Variants in CAPRIN1 observed in about 807,000 individuals in gnomAD.
CAPRIN1 encodes the protein caprin-1.
A neutral mutation model predicts 100.9 loss-of-function variants in CAPRIN1; 29 were observed. That is an observed-to-expected ratio of 0.29 (90% CI 0.21 to 0.39). The LOEUF (loss-of-function observed/expected upper bound fraction) is 0.39, where lower values mean the gene tolerates loss of function less well. CAPRIN1 is among the 10% of genes least tolerant of loss of function. CAPRIN1 has a pLI of 1.00. For synonymous variants in CAPRIN1, 338 were observed against 307.5 expected (o/e 1.10, Z -1.04); for missense variants, 795 against 876.7 (o/e 0.91, Z 1.18).
chr11:34,060,597 C>G (rs1424843924), intron 2 of CAPRIN1, among the ~76,000 whole-genome samples: 1 of 152,160 alleles, frequency 6.6e-6, no homozygotes, highest in Admixed American at 6.6e-5. Flanking sequence ...TTACATTGAA[C>G]TTCTTTTTAC....
chr11:34,052,243 T>TCG (rs139830067), intron 1 of CAPRIN1, 178 bp from the exon 2 acceptor site: 209,727 of 279,006 alleles, frequency 0.75, 79,129 homozygotes, highest in East Asian at 0.98. Context: ...CGCTGGCGGG[T>TCG]CGCGCGCGCG....
intron 15 of CAPRIN1, among the ~76,000 whole-genome samples, chr11:34,093,803 TTG>T (rs1307997980): frequency 1.5e-5 from 2 of 130,194 alleles, no homozygotes; most frequent in Non-Finnish European, 3.4e-5. Flanking sequence ...TTTTTTTTTT[TTG>T]TATTTTTAGT....
At chr11:34,068,337 T>C (rs539433945) in intron 2 of CAPRIN1, among the ~76,000 whole-genome samples, 34 of 152,294 alleles carry the variant, frequency 2.2e-4, no homozygotes, top group African/African-American at 6.5e-4. Context: ...GCATCACTTA[T>C]ACAGTACTCT....
rs1205498211 is a variant in CAPRIN1, at chr11:34,101,160, CAT to C, written c.*1794_*1795del. 4 of 152,582 alleles carry C rather than the reference CAT, an allele frequency of 2.6e-5. No individual in the cohort carries two copies. Among genetic ancestry groups the C allele is most frequent in the South Asian group, 2.1e-4 (1 of 4,818 alleles). 9.5% of individuals were successfully genotyped at this position (152,582 alleles called of 1,614,324 possible). On this transcript the variant is annotated 3_prime_UTR_variant, in exon 19 of 19. Transcript: ENST00000341394. ...AATAAAATAAGTTCTTGACTTTTCT[CAT>C]GTGTGGTTGTGGTACATCATATTGG...
intron 12 of CAPRIN1, among the ~76,000 whole-genome samples, chr11:34,089,717 G>A (rs1851226860): frequency 6.6e-6 from 1 of 152,072 alleles, no homozygotes; most frequent in Non-Finnish European, 1.5e-5. Flanking sequence ...GTCTTCTGTT[G>A]GAATTCAGCA....
intron 2 of CAPRIN1, among the ~76,000 whole-genome samples, chr11:34,067,087 G>A (rs1214487413): frequency 6.6e-6 from 1 of 151,956 alleles, no homozygotes; most frequent in African/African-American, 2.4e-5. Flanking sequence ...ATGCCACCAC[G>A]CCCAGCTAAT....
At chr11:34,073,966 G>C (rs1039899060) in intron 4 of CAPRIN1, among the ~76,000 whole-genome samples, 1 of 152,034 alleles carries the variant, frequency 6.6e-6, no homozygotes, top group African/African-American at 2.4e-5. Context: ...GTCCTCACCT[G>C]GTGGTAGAAG....
rs1851369156 is a variant in CAPRIN1, at chr11:34,096,480, G to T, written c.1707G>T (p.Val569=). 1 of 1,612,094 alleles carries T rather than the reference G, an allele frequency of 6.2e-7. No individual in the cohort carries two copies. The highest frequency in any genetic ancestry group is 8.5e-7 in the Non-Finnish European group (1 of 1,178,526). Residue 569 remains valine (V), a splice_region_variant and synonymous_variant, in exon 16 of 19, where the codon GTG becomes GTT. Coordinates refer to ENST00000341394, the MANE Select transcript of CAPRIN1 (RefSeq NM_005898.5). ...ATCTTTTTCTTTTTTAAATTATAGT[G>T]GTTGGCACTTACCATGGTTCCCCAG... ...TELQQEQLQT[V]VGTYHGSPDQ...
chr11:34,063,524 A>C (rs1261314274), intron 2 of CAPRIN1, among the ~76,000 whole-genome samples: 1 of 152,212 alleles, frequency 6.6e-6, no homozygotes, highest in Non-Finnish European at 1.5e-5. Context: ...ATAGAGCGAG[A>C]CTGGATAGCA....
At position 34,082,963 on chromosome 11, in the gene CAPRIN1, T is replaced by C; in HGVS notation, c.888T>C (p.Asn296=). The C allele has an allele frequency of 6.2e-7, 1 of 1,613,966 alleles. No individual in the cohort carries two copies. Among genetic ancestry groups the C allele is most frequent in the Non-Finnish European group, 8.5e-7 (1 of 1,179,852 alleles). The change falls in exon 9 of 19, where the codon AAT becomes AAC. Residue 296 remains asparagine, a synonymous_variant. Transcript: ENST00000341394. ...TTTACTTTGCTTTGCAGTATGTAAA[T>C]AGACAGTTCATGGCAGAAACACAGT... The part of the protein sequence containing the change: ...QSEVESTEYV[N]RQFMAETQFT...
At chr11:34,099,132 G>A (rs922135360) in intron 18 of CAPRIN1, 171 bp from the exon 19 acceptor site, 18 of 1,436,786 alleles carry the variant, frequency 1.3e-5, no homozygotes, top group Admixed American at 2.8e-5. Flanking sequence ...GCAAATTTGC[G>A]CATGACAACT....
At chr11:34,062,261 A>G (rs763369604) in intron 2 of CAPRIN1, among the ~76,000 whole-genome samples, 43 of 152,218 alleles carry the variant, frequency 2.8e-4, no homozygotes, top group Non-Finnish European at 5.0e-4. Flanking sequence ...GGCAAAGTCA[A>G]AACTCGTAAT....
At chr11:34,090,064 CCTT>C in intron 12 of CAPRIN1, 112 bp from the exon 13 acceptor site, 1 of 531,144 alleles carries the variant, frequency 1.9e-6, no homozygotes, top group Non-Finnish European at 3.4e-6. Context: ...TTAATTTCTC[CCTT>C]CTTTAGCAGT....
rs1851454447 is a variant in CAPRIN1 at position 34,101,554 on chromosome 11, T to C, written c.*2187T>C. Among the ~76,000 whole-genome samples, 1 of 152,184 alleles carries C rather than the reference T, an allele frequency of 6.6e-6. No individual in the cohort carries two copies. The highest frequency in any genetic ancestry group is 2.1e-4 in the South Asian group (1 of 4,832). On this transcript the variant is annotated 3_prime_UTR_variant, in exon 19 of 19. Coordinates refer to ENST00000341394, the MANE Select transcript of CAPRIN1 (RefSeq NM_005898.5). ...TGTGAATGTGTAAAGGTGTTCATAGTTTGACTGTTTCTATGTATGTTTTTT... is the reference window on the plus strand; with the variant it reads ...TGTGAATGTGTAAAGGTGTTCATAGCTTGACTGTTTCTATGTATGTTTTTT...
intron 2 of CAPRIN1, among the ~76,000 whole-genome samples, chr11:34,068,672 T>C (rs765987247): frequency 2.0e-5 from 3 of 152,246 alleles, no homozygotes; most frequent in African/African-American, 4.8e-5. Context: ...GGAATTCTTA[T>C]TGTTTTCATT....
At chr11:34,052,309 C>G in intron 1 of CAPRIN1, 112 bp from the exon 2 acceptor site, 1 of 908,328 alleles carries the variant, frequency 1.1e-6, no homozygotes, top group Non-Finnish European at 1.7e-6. Flanking sequence ...CACCCGCTCG[C>G]GTAGGCTACC....
rs1850814082 is a variant in CAPRIN1, at chr11:34,072,119, C to CAG, written c.366+133_366+134insGA. The CAG allele has an allele frequency of 6.6e-6, 4 of 604,402 alleles. No homozygotes were observed. The South Asian group carries it at 9.0e-5, about 14-fold the overall frequency. 37.4% of individuals were successfully genotyped at this position (604,402 alleles called of 1,614,324 possible). A position where few individuals can be genotyped will look rare whatever the true frequency, so the allele number is the denominator to read the frequency against. ...TCCAATTATATCTAAGATGCCTTCA[C>CAG]ATTCTGTAAAGTAAAATGTAACACC... On this transcript the variant is annotated intron_variant, in intron 4 of 18. Transcript: ENST00000341394.
At chr11:34,065,022 CTA>C (rs1252437644) in intron 2 of CAPRIN1, among the ~76,000 whole-genome samples, 4 of 134,758 alleles carry the variant, frequency 3.0e-5, no homozygotes, top group African/African-American at 1.1e-4. Flanking sequence ...TGCAGGGGCG[CTA>C]TCTCGGCTCA....
At chr11:34,054,458 G>C (rs927063109) in intron 2 of CAPRIN1, among the ~76,000 whole-genome samples, 1 of 151,040 alleles carries the variant, frequency 6.6e-6, no homozygotes, top group South Asian at 2.1e-4. Context: ...ACGGAGTTTC[G>C]ATCTTTTTGC....
Sources: gnomAD v4.1 joint callset for allele counts (sites outside exome capture counted in the v4.1 genomes callset) on GRCh38, gnomAD v4.1.1 for gene constraint, MANE v1.5 for transcripts, NCBI Gene and HGNC (gene_info 2026-07-23, HGNC 2026-07-21) for gene names.